The following NPAS2 variants were observed in gnomAD, a reference collection of about 807,000 sequenced individuals.
NPAS2 encodes neuronal PAS domain-containing protein 2.
NPAS2 carries 23 observed loss-of-function variants against 107.5 expected under a neutral mutation model. That is an observed-to-expected ratio of 0.21 (90% confidence interval 0.15 to 0.30). NPAS2 has a LOEUF of 0.30. Ranked by LOEUF, NPAS2 falls within the 10% of genes least tolerant of loss-of-function variation. The pLI is 1.00. For synonymous variants in NPAS2, 403 were observed against 417.5 expected, an observed-to-expected ratio of 0.97 and a Z score of 0.42; for missense variants, 756 against 1,043.3, an observed-to-expected ratio of 0.72 and a Z score of 3.79.
chr2:100,821,825 T>TACCCCCA, intron 1 of NPAS2, among the ~76,000 whole-genome samples: 1 of 152,162 alleles, frequency 6.6e-6, no homozygotes, highest in African/African-American at 2.4e-5. Context: ...ATAAATAGTG[T>TACCCCCA]AATGTTTAAA....
chr2:100,833,577 C>T (rs1198227574), intron 1 of NPAS2, among the ~76,000 whole-genome samples: 1 of 152,230 alleles, frequency 6.6e-6, no homozygotes, highest in Non-Finnish European at 1.5e-5. Flanking sequence ...AGAAGCCAAA[C>T]ACTCAGAATG....
Position 100,948,270 on chromosome 2 carries a change from C to T in NPAS2, c.399C>T (p.Leu133=). ...DVMDQNLLNF[L]PEQEHSEVYK... is the part of the protein sequence containing the mutation. ...TGGATCAGAATTTGTTAAATTTCCT[C>T]CCAGAACAAGAACATTCAGAAGTTT... is the stretch of plus-strand genomic sequence containing the variant. Residue 133 remains leucine (L), a synonymous_variant, in exon 6 of 21, where the codon CTC becomes CTT. Coordinates refer to ENST00000335681, the MANE Select transcript of NPAS2 (RefSeq NM_002518.4). 4 of 1,613,162 alleles carry T rather than the reference C, an allele frequency of 2.5e-6. No individual in the cohort carries two copies. Among genetic ancestry groups the T allele is most frequent in the East Asian group, 4.5e-5 (2 of 44,810 alleles).
chr2:100,937,836 T>C lies in NPAS2; in HGVS notation c.357T>C (p.His119=). The change falls in exon 5 of 21, where the codon CAT becomes CAC. Residue 119 remains histidine (H), a synonymous_variant. Coordinates refer to ENST00000335681, the MANE Select transcript of NPAS2 (RefSeq NM_002518.4). The part of the protein sequence containing the change: ...VSDSITPLLG[H]LPSDVMDQNL... ...ACAGTATCACGCCTCTCCTTGGGCATTTACCGGTGAGTTTCCACTCCAATG... is the reference window on the plus strand; with the variant it reads ...ACAGTATCACGCCTCTCCTTGGGCACTTACCGGTGAGTTTCCACTCCAATG... 6.2e-7 allele frequency: 1 copy of C among 1,612,416 alleles called. No homozygotes were observed. The highest frequency in any genetic ancestry group is 1.3e-5 in the African/African-American group (1 of 74,996).
At position 100,995,870 on chromosome 2, in the gene NPAS2, G is replaced by T. The variant is rs528308946; in HGVS notation, c.*288G>T. ...TGTAGGCATCGTCGGTCGGTTTGCC[G>T]TCAGAGATGGCGCATCTCGCTGCAT... On this transcript the variant is annotated 3_prime_UTR_variant, in exon 21 of 21. Transcript: ENST00000335681. 6 of 1,488,148 alleles carry T rather than the reference G, an allele frequency of 4.0e-6. No individual in the cohort carries two copies. The highest frequency in any genetic ancestry group is 2.8e-5 in the East Asian group (1 of 35,464). The allele number at this position is 1,488,148 out of a possible 1,614,324, so 92.2% of individuals were successfully genotyped here.
intron 16 of NPAS2, chr2:100,987,562 T>C (rs1677849132): frequency 6.5e-6 from 1 of 153,946 alleles, no homozygotes; most frequent in Non-Finnish European, 1.4e-5. Context: ...TCAACAGTAA[T>C]GTGGGTACAG....
intron 19 of NPAS2, 110 bp downstream of exon 19, chr2:100,990,982 G>A: frequency 2.3e-6 from 2 of 882,830 alleles, no homozygotes; most frequent in Non-Finnish European, 3.6e-6. Context: ...TGCGCTAAAG[G>A]CAAGGTCTGA....
At chr2:100,966,970 A>C (rs1676252909) in intron 10 of NPAS2, among the ~76,000 whole-genome samples, 1 of 152,186 alleles carries the variant, frequency 6.6e-6, no homozygotes, top group Admixed American at 6.5e-5. Context: ...TAGAATTTAA[A>C]GCTAATCATT....
In NPAS2 at chr2:100,820,246, CGCGGCG is replaced by C. The variant is rs553770076; in HGVS notation, c.-173_-168del. The C allele has an allele frequency of 6.9e-6, 1 of 145,134 alleles. No homozygotes were observed. The highest frequency in any genetic ancestry group is 1.5e-5 in the Non-Finnish European group (1 of 65,616). 9.0% of individuals were successfully genotyped at this position (145,134 alleles called of 1,614,324 possible). ...GCCGCGGAGCCCGGAGACCCGCAGC[CGCGGCG>C]GCGGCGGCGGCGGCGGCAGCAGCTA... On this transcript the variant is annotated 5_prime_UTR_variant, in exon 1 of 21. Transcript: ENST00000335681. This position sits in a 1 kb window ranked among gnomAD's most constrained non-coding sequence, Gnocchi z 5.6.
intron 13 of NPAS2, 153 bp from the exon 14 acceptor site, chr2:100,975,305 T>C (rs1236317802): frequency 5.6e-6 from 4 of 711,866 alleles, no homozygotes; most frequent in Non-Finnish European, 9.6e-6. Flanking sequence ...GCTGGGCTTC[T>C]GTGGTTCAGC....
chr2:100,853,533 C>G (rs1404269684), intron 1 of NPAS2, among the ~76,000 whole-genome samples: 1 of 152,198 alleles, frequency 6.6e-6, no homozygotes, highest in Non-Finnish European at 1.5e-5. Flanking sequence ...ATGTTTGTAA[C>G]CTCGGGCCTG....
chr2:100,912,245 TTTATTTATTTA>T (rs745845411), intron 2 of NPAS2, among the ~76,000 whole-genome samples: 133 of 110,252 alleles, frequency 1.2e-3, no homozygotes, highest in South Asian at 5.1e-3. Context: ...TATTTATTTA[TTTATTTATTTA>T]TTATTATTAT....
intron 1 of NPAS2, among the ~76,000 whole-genome samples, chr2:100,892,674 G>A (rs1243044239): frequency 4.6e-5 from 7 of 152,054 alleles, no homozygotes; most frequent in Non-Finnish European, 8.8e-5. Flanking sequence ...GGAGCTGCCG[G>A]CTCTCAGGCT....
At chr2:100,887,379 C>CA (rs1680762573) in intron 1 of NPAS2, among the ~76,000 whole-genome samples, 1 of 152,226 alleles carries the variant, frequency 6.6e-6, no homozygotes, top group East Asian at 1.9e-4. Context: ...GCCTTGTGCC[C>CA]ACCAATCCTG....
chr2:100,890,905 A>G (rs1235836787), intron 1 of NPAS2, among the ~76,000 whole-genome samples: 1 of 152,074 alleles, frequency 6.6e-6, no homozygotes, highest in Non-Finnish European at 1.5e-5. Flanking sequence ...AGGGAGGGCC[A>G]GCAGTGTGCT....
chr2:100,975,906 T>A (rs1167598705), intron 14 of NPAS2, among the ~76,000 whole-genome samples: 1 of 152,174 alleles, frequency 6.6e-6, no homozygotes, highest in Non-Finnish European at 1.5e-5. Flanking sequence ...TCCCCTTTCA[T>A]GCTGGTGAAA....
Position 100,917,150 on chromosome 2 carries a change from G to C in NPAS2, c.33-7996G>C, listed in dbSNP as rs77332795. 9.2e-3 allele frequency among the ~76,000 whole-genome samples: 1,402 copies of C among 152,048 alleles called. 16 individuals carry two copies. Among genetic ancestry groups the C allele is most frequent in the African/African-American group, 0.032 (1,319 of 41,452 alleles). The stretch of plus-strand genomic sequence containing the variant: ...AAAATAAACTCACAGCAAGAAAGAT[G>C]GAAATTAGATATAAACACAGAAAGT... On this transcript the variant is annotated intron_variant, in intron 2 of 20. Coordinates refer to ENST00000335681, the MANE Select transcript of NPAS2 (RefSeq NM_002518.4).
At chr2:100,904,293 G>T (rs1360538057) in intron 1 of NPAS2, among the ~76,000 whole-genome samples, 1 of 152,226 alleles carries the variant, frequency 6.6e-6, no homozygotes, top group East Asian at 1.9e-4. Context: ...AACAGATGCT[G>T]CTTCACTGAG....
In NPAS2 at chr2:100,959,111, A is replaced by T. The variant is rs549735734; in HGVS notation, c.599-4947A>T. Among the ~76,000 whole-genome samples, 379 of 39,448 alleles carry T rather than the reference A, an allele frequency of 9.6e-3. 1 individual carries two copies. The highest frequency in any genetic ancestry group is 0.028 in the South Asian group (29 of 1,048). The allele number at this position is 39,448 out of a possible 152,430, so 25.9% of individuals were successfully genotyped here. On this transcript the variant is annotated intron_variant, in intron 7 of 20. Transcript: ENST00000335681. ...CTTCAAAAAAAAAAAAAAAAAAAAC[A>T]AAACTAAAATTAGCCAGGCATGGTG...
At chr2:100,982,181 G>A (rs368160614) in intron 15 of NPAS2, 50 bp from the exon 16 acceptor site, 2 of 1,607,744 alleles carry the variant, frequency 1.2e-6, no homozygotes, top group African/African-American at 2.7e-5. Context: ...CTGCCTGCAA[G>A]GCTGAAATAA....
Sources: gnomAD v4.1 joint callset for allele counts (sites outside exome capture counted in the v4.1 genomes callset) on GRCh38, gnomAD v4.1.1 for gene constraint, Gnocchi (gnomAD v3.1) non-coding constraint, MANE v1.5 for transcripts, NCBI Gene and HGNC (gene_info 2026-07-23, HGNC 2026-07-21) for gene names.